The following PKD2 variants were observed in gnomAD, a reference collection of about 807,000 sequenced individuals.
PKD2 encodes the protein polycystin 2, transient receptor potential cation channel, also known as polycystin-2.
PKD2 carries 48 observed loss-of-function variants against 105.9 expected under a neutral mutation model. That is an observed-to-expected ratio of 0.45 (90% CI 0.36 to 0.58). The LOEUF (loss-of-function observed/expected upper bound fraction) is 0.58. Ranked by LOEUF, PKD2 falls within the 20% of genes least tolerant of loss-of-function variation. The pLI is 0.00. For synonymous variants in PKD2, 464 were observed against 481.1 expected (o/e 0.96, Z 0.46); for missense variants, 1,078 against 1,255.3 (o/e 0.86, Z 2.13).
Position 88,065,439 on chromosome 4 carries a change from T to A in PKD2, c.2184T>A (p.Ser728Arg). 5.0e-6 allele frequency: 8 copies of A among 1,613,062 alleles called. No individual in the cohort carries two copies. The highest frequency in any genetic ancestry group is 1.7e-5 in the Admixed American group (1 of 59,980). The part of the protein sequence containing the change: ...KKNTVDDISE[S>R]LRQGGGKLNF... ...ATACCGTGGATGACATTTCAGAGAG[T>A]CTGCGGCAAGGAGGAGGCAAGTTAA... The change falls in exon 11 of 15, where the codon AGT becomes AGA. Residue 728 changes from serine (S) to arginine (R), a missense_variant. Ser to Arg is a moderately radical substitution (Grantham distance 110). Transcript: ENST00000237596.
chr4:88,015,528 TCAGCCTCCCGAGTAGCTGGGACTA>T (rs1042421316), intron 1 of PKD2, among the ~76,000 whole-genome samples: 5 of 152,142 alleles, frequency 3.3e-5, no homozygotes, highest in Non-Finnish European at 5.9e-5. Context: ...TTCTCCTGCC[TCAGCCTCCCGAGTAGCTGGGACTA>T]CAGCCTCCCG....
chr4:88,056,108 A>G lies in PKD2; in HGVS notation c.1739A>G (p.Asn580Ser), dbSNP rs1720319583. The G allele has an allele frequency of 6.2e-7, 1 of 1,613,220 alleles. No homozygotes were observed. Among genetic ancestry groups the G allele is most frequent in the Non-Finnish European group, 8.5e-7 (1 of 1,179,198 alleles). ...CAGCTCTTCAAATTCATCAATTTTA[A>G]CAGGACCATGAGCCAGCTCTCGACA... Reference protein sequence around the residue: ...WIKLFKFINFNRTMSQLSTTM... With the variant: ...WIKLFKFINFSRTMSQLSTTM... The change falls in exon 8 of 15, where the codon AAC becomes AGC. Residue 580 changes from asparagine to serine, a missense_variant. Asn to Ser is a conservative substitution (Grantham distance 46, BLOSUM62 1). Coordinates refer to ENST00000237596, the MANE Select transcript of PKD2 (RefSeq NM_000297.4).
At chr4:88,027,536 T>G (rs1298021694) in intron 2 of PKD2, among the ~76,000 whole-genome samples, 1 of 152,192 alleles carries the variant, frequency 6.6e-6, no homozygotes, top group Non-Finnish European at 1.5e-5. Context: ...CAGATGAGAC[T>G]TTGGACTTGA....
At chr4:88,018,835 T>A (rs191836664) in intron 1 of PKD2, among the ~76,000 whole-genome samples, 1 of 152,378 alleles carries the variant, frequency 6.6e-6, no homozygotes. Flanking sequence ...AATTGCTGTT[T>A]TAAAAATCTG....
chr4:88,050,492 C>G (rs1021417274), intron 6 of PKD2, among the ~76,000 whole-genome samples: 1 of 152,164 alleles, frequency 6.6e-6, no homozygotes, highest in East Asian at 1.9e-4. Flanking sequence ...TCTCTTTCCT[C>G]ATCTTTCATT....
chr4:88,067,421 C>T (rs1159898305), intron 12 of PKD2, among the ~76,000 whole-genome samples: 1 of 152,158 alleles, frequency 6.6e-6, no homozygotes, highest in African/African-American at 2.4e-5. Flanking sequence ...CTCCTAGGCT[C>T]AAGTGATCTT....
chr4:88,008,666 AC>A (rs1219606669), intron 1 of PKD2, among the ~76,000 whole-genome samples: 1 of 152,136 alleles, frequency 6.6e-6, no homozygotes, highest in Non-Finnish European at 1.5e-5. Flanking sequence ...GAAAAAATGA[AC>A]ATTACTTGTG....
At chr4:88,019,879 A>G (rs1166488412) in intron 2 of PKD2, among the ~76,000 whole-genome samples, 4 of 152,232 alleles carry the variant, frequency 2.6e-5, no homozygotes, top group Non-Finnish European at 5.9e-5. Context: ...TTGTGACTAA[A>G]TTGTGACCAA....
In PKD2 at chr4:88,013,442, C is replaced by A. The variant is rs1006467249; in HGVS notation, c.595+5114C>A. Reference sequence around the variant, plus strand: ...AAGAGAGGATAAGGCCAGGCACAGCCGCTCATGCCTATAGTCCCAACACTT... The same window carrying A: ...AAGAGAGGATAAGGCCAGGCACAGCAGCTCATGCCTATAGTCCCAACACTT... On this transcript the variant is annotated intron_variant, in intron 1 of 14. Transcript: ENST00000237596. Among the ~76,000 whole-genome samples the A allele has an allele frequency of 2.2e-4, 33 of 152,270 alleles. 1 individual carries two copies. Among genetic ancestry groups the A allele is most frequent in the Admixed American group, 3.9e-4 (6 of 15,306 alleles).
At chr4:88,044,502 A>G (rs950976250) in intron 5 of PKD2, among the ~76,000 whole-genome samples, 2 of 152,238 alleles carry the variant, frequency 1.3e-5, no homozygotes, top group Non-Finnish European at 2.9e-5. Flanking sequence ...ATAGTACCAC[A>G]TTAAATCAAT....
intron 1 of PKD2, 28 bp downstream of exon 1, chr4:88,008,356 A>G: frequency 6.7e-7 from 1 of 1,489,520 alleles, no homozygotes. Context: ...GCAGCGGCAG[A>G]TGCACGAACC....
intron 1 of PKD2, among the ~76,000 whole-genome samples, chr4:88,016,608 GA>G (rs1314037756): frequency 6.6e-6 from 1 of 152,132 alleles, no homozygotes; most frequent in Non-Finnish European, 1.5e-5. Flanking sequence ...ATGGGAAAAT[GA>G]GATGAAAAAT....
At chr4:88,058,874 T>G (rs1181027212) in intron 9 of PKD2, among the ~76,000 whole-genome samples, 1 of 152,212 alleles carries the variant, frequency 6.6e-6, no homozygotes, top group Non-Finnish European at 1.5e-5. Context: ...ATATATTCAA[T>G]TGTCTACTGA....
chr4:88,028,564 TA>T (rs1208209792), intron 2 of PKD2, among the ~76,000 whole-genome samples: 27 of 152,356 alleles, frequency 1.8e-4, no homozygotes, highest in African/African-American at 5.8e-4. Context: ...AAATGTACTT[TA>T]AATGTGACCA....
intron 5 of PKD2, among the ~76,000 whole-genome samples, chr4:88,044,105 G>A (rs2110113065): frequency 6.6e-6 from 1 of 152,268 alleles, no homozygotes; most frequent in East Asian, 1.9e-4. Context: ...GCTAGGCATT[G>A]TTCTCGGCTC....
Position 88,034,494 on chromosome 4 carries a change from C to A in PKD2, c.710-1726C>A, listed in dbSNP as rs142065447. 6.6e-3 allele frequency among the ~76,000 whole-genome samples: 1,000 copies of A among 151,798 alleles called. 17 individuals carry two copies. Among genetic ancestry groups the A allele is most frequent in the African/African-American group, 0.023 (951 of 41,388 alleles). ...GACCAACCTGACCAACATGGTGAAACCCTGTCTCTACTAAAAATAAAAAAT... is the reference window on the plus strand; with the variant it reads ...GACCAACCTGACCAACATGGTGAAAACCTGTCTCTACTAAAAATAAAAAAT... On this transcript the variant is annotated intron_variant, in intron 2 of 14. Coordinates refer to ENST00000237596, the MANE Select transcript of PKD2 (RefSeq NM_000297.4).
chr4:88,020,145 A>G lies in PKD2; in HGVS notation c.709+574A>G, dbSNP rs1726697550. Among the ~76,000 whole-genome samples, 4 of 152,344 alleles carry G rather than the reference A, an allele frequency of 2.6e-5. No individual in the cohort carries two copies. The South Asian group carries it at 8.3e-4, about 32-fold the overall frequency. On this transcript the variant is annotated intron_variant, in intron 2 of 14. Transcript: ENST00000237596. Reference sequence around the variant, plus strand: ...CCTTAACAATGAATACAGTATCACCATTATTACAGTATCATCATTATTGTC... The same window carrying G: ...CCTTAACAATGAATACAGTATCACCGTTATTACAGTATCATCATTATTGTC...
chr4:88,054,128 G>T (rs1720221508), intron 7 of PKD2, among the ~76,000 whole-genome samples: 1 of 150,356 alleles, frequency 6.7e-6, no homozygotes, highest in African/African-American at 2.5e-5. Flanking sequence ...CAAGATCTCA[G>T]CTGGGCACAG....
intron 5 of PKD2, 106 bp from the exon 6 acceptor site, chr4:88,046,536 A>T: frequency 1.3e-6 from 1 of 763,144 alleles, no homozygotes; most frequent in Non-Finnish European, 2.4e-6. Flanking sequence ...TCATGGTAGC[A>T]GTTTCATTAC....
Sources: allele counts gnomAD v4.1 joint callset (sites outside exome capture counted in the v4.1 genomes callset), GRCh38; gene constraint gnomAD v4.1.1; transcripts MANE v1.5; gene names NCBI Gene and HGNC (gene_info 2026-07-23, HGNC 2026-07-21).